Variants in PLAC9 observed in about 807,000 individuals in gnomAD.
PLAC9 encodes placenta-specific protein 9.
PLAC9 carries 12 observed loss-of-function variants against 11.5 expected under a neutral mutation model. The ratio of observed to expected loss-of-function variants is 1.05; its 90% CI spans 0.67 to 1.69. PLAC9 has a LOEUF of 1.69. Among genes scored for constraint, PLAC9 ranks in the 40% most tolerant of loss-of-function variants. The pLI, the probability that PLAC9 is intolerant of heterozygous loss-of-function variation, is 0.00. For missense variants in PLAC9, 132 were observed against 130.5 expected (o/e 1.01, Z -0.06); for synonymous variants, 62 against 58.1 (o/e 1.07, Z -0.31).
In PLAC9 at chr10:80,135,010, G is replaced by GTTTATTTATTTATTTA. The variant is rs148037377; in HGVS notation, c.64+2187_64+2188insATTTATTTATTTATTT. Reference sequence around the variant, plus strand: ...TCCAACTTCCAACCTTGGTTTGTTTGTTTGTTTATTTATTTATTTATTTAT... The same window carrying GTTTATTTATTTATTTA: ...TCCAACTTCCAACCTTGGTTTGTTTGTTTATTTATTTATTTATTTGTTTATTTATTTATTTATTTAT... On this transcript the variant is annotated intron_variant, in intron 1 of 3. Coordinates refer to ENST00000372263, the MANE Select transcript of PLAC9 (RefSeq NM_001012973.3). Among the ~76,000 whole-genome samples, 455 of 118,396 alleles carry GTTTATTTATTTATTTA rather than the reference G, an allele frequency of 3.8e-3. 5 individuals carry two copies. Among genetic ancestry groups the GTTTATTTATTTATTTA allele is most frequent in the Middle Eastern group, 0.013 (3 of 240 alleles). The allele number at this position is 118,396 out of a possible 152,430, so 77.7% of individuals were successfully genotyped here.
At chr10:80,133,801 G>A (rs866817929) in intron 1 of PLAC9, among the ~76,000 whole-genome samples, 7 of 151,998 alleles carry the variant, frequency 4.6e-5, no homozygotes, top group Non-Finnish European at 7.4e-5. Flanking sequence ...AAAATTAATC[G>A]GGCGTGGTGG....
intron 1 of PLAC9, among the ~76,000 whole-genome samples, chr10:80,135,415 T>A (rs1844964320): frequency 7.0e-6 from 1 of 141,960 alleles, no homozygotes; most frequent in Non-Finnish European, 1.5e-5. Flanking sequence ...AACCTCTGCC[T>A]CCTGGGTTCA....
At chr10:80,142,220 C>T (rs769252515) in intron 2 of PLAC9, 41 bp downstream of exon 2, 1 of 1,505,748 alleles carries the variant, frequency 6.6e-7, no homozygotes, top group Non-Finnish European at 9.2e-7. Context: ...TTCAGGACCA[C>T]CTTCTAGGAT....
chr10:80,133,476 CCCAGGAGAAAGGCCACCGATTCACCTG>C (rs1237746583), intron 1 of PLAC9, among the ~76,000 whole-genome samples: 2 of 152,190 alleles, frequency 1.3e-5, no homozygotes, highest in Admixed American at 1.3e-4. Flanking sequence ...GGCAGTCGGG[CCCAGGAGAAAGGCCACCGATTCACCTG>C]CCAGGTGGCC....
chr10:80,132,889 A>T, intron 1 of PLAC9, 63 bp downstream of exon 1: 1 of 1,371,754 alleles, frequency 7.3e-7, no homozygotes, highest in Non-Finnish European at 9.6e-7. Context: ...ATGGCGAGGA[A>T]GGAATGAGCG....
chr10:80,139,997 T>C (rs1457735579), intron 1 of PLAC9, among the ~76,000 whole-genome samples: 1 of 152,178 alleles, frequency 6.6e-6, no homozygotes, highest in Non-Finnish European at 1.5e-5. Context: ...CTGCACAGAG[T>C]AAATAGAGGC....
intron 1 of PLAC9, 111 bp downstream of exon 1, chr10:80,132,937 G>T: frequency 1.1e-6 from 1 of 899,590 alleles, no homozygotes; most frequent in Non-Finnish European, 1.5e-6. Flanking sequence ...GCAGCGAGAT[G>T]GACAGAGAGG....
chr10:80,141,369 C>T (rs916569667), intron 1 of PLAC9, among the ~76,000 whole-genome samples: 3 of 152,104 alleles, frequency 2.0e-5, no homozygotes, highest in African/African-American at 2.4e-5. Flanking sequence ...AAGGCTGAGG[C>T]GGGTGGATCA....
chr10:80,132,414 C>T (rs960251003), upstream of PLAC9, among the ~76,000 whole-genome samples: 4 of 152,190 alleles, frequency 2.6e-5, no homozygotes, highest in African/African-American at 9.6e-5. Flanking sequence ...TCGTAACAAA[C>T]CCCTGACCCC....
chr10:80,143,401 T>C (rs1265910646), intron 2 of PLAC9, among the ~76,000 whole-genome samples: 2 of 130,236 alleles, frequency 1.5e-5, no homozygotes, highest in African/African-American at 5.8e-5. Flanking sequence ...TTTTTTTTTT[T>C]TTTTTTTTTT....
Position 80,144,214 on chromosome 10 carries a change from C to A in PLAC9, c.163-9C>A. The stretch of plus-strand genomic sequence containing the variant: ...TCTGTCCTCGACTTTACCCCACTTC[C>A]CACTCTAGATGGTAGAGAAGACCGT... On this transcript the variant is annotated splice_polypyrimidine_tract_variant and intron_variant, in intron 2 of 3. Coordinates refer to ENST00000372263, the MANE Select transcript of PLAC9 (RefSeq NM_001012973.3). 6.2e-7 allele frequency: 1 copy of A among 1,614,138 alleles called. No individual in the cohort carries two copies. The highest frequency in any genetic ancestry group is 1.6e-4 in the Middle Eastern group (1 of 6,062).
chr10:80,134,645 C>T (rs1395104694), intron 1 of PLAC9, among the ~76,000 whole-genome samples: 5 of 152,136 alleles, frequency 3.3e-5, no homozygotes, highest in African/African-American at 9.7e-5. Flanking sequence ...AACTGCAATG[C>T]TATGATCATA....
At chr10:80,140,156 T>C (rs1196035521) in intron 1 of PLAC9, among the ~76,000 whole-genome samples, 1 of 152,154 alleles carries the variant, frequency 6.6e-6, no homozygotes, top group East Asian at 1.9e-4. Flanking sequence ...AAGTTCATCC[T>C]TGGGTTCTCC....
intron 1 of PLAC9, among the ~76,000 whole-genome samples, chr10:80,138,605 G>T (rs1176450583): frequency 6.6e-6 from 1 of 152,192 alleles, no homozygotes; most frequent in African/African-American, 2.4e-5. Flanking sequence ...AAATCACAGG[G>T]CAGGGGGTCC....
At position 80,132,782 on chromosome 10, in the gene PLAC9, C is replaced by T; in HGVS notation, c.20C>T (p.Ala7Val). 2 of 1,496,964 alleles carry T rather than the reference C, an allele frequency of 1.3e-6. No individual in the cohort carries two copies. Among genetic ancestry groups the T allele is most frequent in the South Asian group, 2.5e-5 (2 of 79,902 alleles). The allele number at this position is 1,496,964 out of a possible 1,614,324, so 92.7% of individuals were successfully genotyped here. A position where few individuals can be genotyped will look rare whatever the true frequency, so the allele number is the denominator to read the frequency against. Reference sequence around the variant, plus strand: ...GGCACCATGCGGCCCCTGCTCTGCGCGCTGACCGGACTGGCCCTGCTCCGC... The same window carrying T: ...GGCACCATGCGGCCCCTGCTCTGCGTGCTGACCGGACTGGCCCTGCTCCGC... MRPLLC[A>V]LTGLALLRAA... is the part of the protein sequence containing the mutation. The change falls in exon 1 of 4, where the codon GCG becomes GTG. Residue 7 changes from alanine (A) to valine (V), a missense_variant. Physicochemically the swap from Ala to Val is moderately conservative, Grantham distance 64. Coordinates refer to ENST00000372263, the MANE Select transcript of PLAC9 (RefSeq NM_001012973.3).
intron 1 of PLAC9, among the ~76,000 whole-genome samples, chr10:80,138,015 A>G (rs1844999154): frequency 6.6e-6 from 1 of 152,048 alleles, no homozygotes; most frequent in Non-Finnish European, 1.5e-5. Flanking sequence ...GATGGAGCAT[A>G]GCCCCCAGGG....
rs559784722 is a variant in PLAC9, at chr10:80,134,265, CT to C, written c.64+1455del. Among the ~76,000 whole-genome samples, 444 of 134,580 alleles carry C rather than the reference CT, an allele frequency of 3.3e-3. 3 individuals carry two copies. Among genetic ancestry groups the C allele is most frequent in the South Asian group, 0.013 (54 of 4,102 alleles). The allele number at this position is 134,580 out of a possible 152,430, so 88.3% of individuals were successfully genotyped here. A position where few individuals can be genotyped will look rare whatever the true frequency, so the allele number is the denominator to read the frequency against. On this transcript the variant is annotated intron_variant, in intron 1 of 3. Coordinates refer to ENST00000372263, the MANE Select transcript of PLAC9 (RefSeq NM_001012973.3). The stretch of plus-strand genomic sequence containing the variant: ...GTATATTTTCTTTCTTTCTTTCTTT[CT>C]TTTTTTTTTTTTTTTGAGACAGGAT...
At chr10:80,134,111 G>A (rs571455533) in intron 1 of PLAC9, among the ~76,000 whole-genome samples, 42 of 152,142 alleles carry the variant, frequency 2.8e-4, no homozygotes, top group African/African-American at 9.6e-4. Context: ...GTAATAGTAT[G>A]TGAAAGAATC....
chr10:80,137,968 C>T (rs1844998686), intron 1 of PLAC9, among the ~76,000 whole-genome samples: 3 of 152,122 alleles, frequency 2.0e-5, no homozygotes, highest in Admixed American at 2.0e-4. Context: ...TAGACCTGCT[C>T]CTGCCTCTCA....
Sources: gnomAD v4.1 joint callset for allele counts (sites outside exome capture counted in the v4.1 genomes callset) on GRCh38, gnomAD v4.1.1 for gene constraint, MANE v1.5 for transcripts, NCBI Gene and HGNC (gene_info 2026-07-23, HGNC 2026-07-21) for gene names.